LDLRAD3: variants seen among roughly 807,000 people sequenced by gnomAD.
LDLRAD3 encodes the protein low-density lipoprotein receptor class A domain-containing protein 3.
LDLRAD3 carries 20 observed loss-of-function variants against 29.4 expected under a neutral mutation model. The ratio of observed to expected loss-of-function variants is 0.68; its 90% CI spans 0.48 to 0.99. LDLRAD3 has a LOEUF of 0.99. LDLRAD3 is among the 50% of genes least tolerant of loss of function. The probability of loss-of-function intolerance (pLI) is 0.00; values close to 1 mark genes in which losing one functional copy is unlikely to be tolerated. For missense variants in LDLRAD3, 420 were observed against 454.3 expected (o/e 0.92, Z 0.69); for synonymous variants, 157 against 192.7 (o/e 0.81, Z 1.53).
intron 4 of LDLRAD3, among the ~76,000 whole-genome samples, chr11:36,185,851 A>T (rs550980620): frequency 6.6e-6 from 1 of 152,250 alleles, no homozygotes; most frequent in Non-Finnish European, 1.5e-5. Context: ...GTTATGCATT[A>T]TGCTCTGTTG....
intron 4 of LDLRAD3, among the ~76,000 whole-genome samples, chr11:36,107,243 C>T (rs2133283210): frequency 6.6e-6 from 1 of 151,842 alleles, no homozygotes; most frequent in South Asian, 2.1e-4. Flanking sequence ...TCTTGTCACC[C>T]AGGCTGGAGT....
chr11:35,956,188 A>G (rs1349558319), intron 1 of LDLRAD3, among the ~76,000 whole-genome samples: 1 of 152,168 alleles, frequency 6.6e-6, no homozygotes, highest in Non-Finnish European at 1.5e-5. Context: ...CATGTTATTT[A>G]AATTATTCGA....
chr11:36,146,071 C>T lies in LDLRAD3; in HGVS notation c.454+47610C>T, dbSNP rs535201495. Among the ~76,000 whole-genome samples, 5 of 150,560 alleles carry T rather than the reference C, an allele frequency of 3.3e-5. No individual in the cohort carries two copies. The South Asian group carries it at 6.3e-4, about 19-fold the overall frequency. On this transcript the variant is annotated intron_variant, in intron 4 of 5. Transcript: ENST00000315571. ...CAGGAATTTAGGAGAGAACAAAATT[C>T]AGCCCATAACACCAGGTAAATAGCC...
At chr11:36,200,959 G>A (rs945483982) in intron 4 of LDLRAD3, among the ~76,000 whole-genome samples, 1 of 152,168 alleles carries the variant, frequency 6.6e-6, no homozygotes, top group African/African-American at 2.4e-5. Context: ...AGGATTAGTG[G>A]GAGTAACTCA....
intron 2 of LDLRAD3, among the ~76,000 whole-genome samples, chr11:36,045,619 A>G (rs930671735): frequency 6.6e-6 from 1 of 151,358 alleles, no homozygotes; most frequent in Non-Finnish European, 1.5e-5. Flanking sequence ...AATAACCCTC[A>G]TGTGGTCATG....
At chr11:36,206,771 G>T (rs1405670855) in intron 4 of LDLRAD3, among the ~76,000 whole-genome samples, 2 of 147,438 alleles carry the variant, frequency 1.4e-5, no homozygotes, top group Non-Finnish European at 3.0e-5. Context: ...CTGTCACCCA[G>T]GCTAGAGTAC....
At chr11:36,174,234 A>T (rs1194853175) in intron 4 of LDLRAD3, among the ~76,000 whole-genome samples, 7 of 152,234 alleles carry the variant, frequency 4.6e-5, no homozygotes, top group African/African-American at 1.7e-4. Flanking sequence ...TAAAGACTTA[A>T]ATGTTAGACC....
chr11:36,058,462 C>T (rs894322767), intron 2 of LDLRAD3, among the ~76,000 whole-genome samples: 5 of 152,270 alleles, frequency 3.3e-5, no homozygotes, highest in African/African-American at 9.6e-5. Flanking sequence ...TCCCTGGCAT[C>T]GGGTTTGGCT....
intron 4 of LDLRAD3, among the ~76,000 whole-genome samples, chr11:36,172,294 C>T (rs1334404416): frequency 1.3e-5 from 2 of 151,984 alleles, no homozygotes; most frequent in African/African-American, 4.8e-5. Flanking sequence ...AGTTTGACCT[C>T]CTCTTTGACA....
At chr11:36,183,611 G>T (rs571214990) in intron 4 of LDLRAD3, among the ~76,000 whole-genome samples, 1 of 152,284 alleles carries the variant, frequency 6.6e-6, no homozygotes, top group South Asian at 2.1e-4. Flanking sequence ...CACCACACCT[G>T]CTAATATTGC....
chr11:36,183,811 A>G (rs994044424), intron 4 of LDLRAD3, among the ~76,000 whole-genome samples: 1 of 151,970 alleles, frequency 6.6e-6, no homozygotes, highest in Non-Finnish European at 1.5e-5. Context: ...TGCGTTCTGA[A>G]TAATTCTTCT....
At chr11:36,039,091 T>C (rs1852346471) in intron 2 of LDLRAD3, among the ~76,000 whole-genome samples, 2 of 151,470 alleles carry the variant, frequency 1.3e-5, no homozygotes, top group Non-Finnish European at 1.5e-5. Context: ...CGCCTCAGTC[T>C]CCCGAGTAGC....
At chr11:36,150,343 C>A (rs1314882369) in intron 4 of LDLRAD3, among the ~76,000 whole-genome samples, 3 of 151,940 alleles carry the variant, frequency 2.0e-5, no homozygotes, top group African/African-American at 7.3e-5. Context: ...GCCAGGGCAA[C>A]AAAGTGAGAC....
At chr11:35,982,848 CTTTTTTTTTTTTTT>C (rs61605411) in intron 1 of LDLRAD3, among the ~76,000 whole-genome samples, 1 of 88,728 alleles carries the variant, frequency 1.1e-5, no homozygotes, top group African/African-American at 5.8e-5. Context: ...CTGTTTGCTG[CTTTTTTTTTTTTTT>C]TTTTTTTTTG....
chr11:36,101,700 T>C (rs986824294), intron 4 of LDLRAD3, among the ~76,000 whole-genome samples: 2 of 152,100 alleles, frequency 1.3e-5, no homozygotes, highest in Non-Finnish European at 2.9e-5. Context: ...TCTTGCATCA[T>C]GTAACCTCTA....
intron 4 of LDLRAD3, among the ~76,000 whole-genome samples, chr11:36,201,231 C>T (rs1855122918): frequency 6.6e-6 from 1 of 152,192 alleles, no homozygotes; most frequent in Non-Finnish European, 1.5e-5. Flanking sequence ...AGCTGGACCA[C>T]TGACAGCCCT....
chr11:36,213,760 G>C lies in LDLRAD3; in HGVS notation c.455-13325G>C, dbSNP rs1855315207. 6.6e-6 allele frequency among the ~76,000 whole-genome samples: 1 copy of C among 152,204 alleles called. No individual in the cohort carries two copies. Among genetic ancestry groups the C allele is most frequent in the South Asian group, 2.1e-4 (1 of 4,832 alleles). ...GACGAATGAATTGTGGACCCAGCCA[G>C]ACTCCCCTCCATCGCATCACAGCTT... On this transcript the variant is annotated intron_variant, in intron 4 of 5. Coordinates refer to ENST00000315571, the MANE Select transcript of LDLRAD3 (RefSeq NM_174902.4). This position sits in a 1 kb window ranked among gnomAD's most constrained non-coding sequence, Gnocchi z 4.1.
chr11:36,214,848 G>C (rs1468521472), intron 4 of LDLRAD3, among the ~76,000 whole-genome samples: 7 of 152,250 alleles, frequency 4.6e-5, no homozygotes, highest in Admixed American at 1.3e-4. Flanking sequence ...GGGCCACAGA[G>C]TTAGAGACAC....
At position 36,155,781 on chromosome 11, in the gene LDLRAD3, G is replaced by A. The variant is rs185160745; in HGVS notation, c.454+57320G>A. On this transcript the variant is annotated intron_variant, in intron 4 of 5. Coordinates refer to ENST00000315571, the MANE Select transcript of LDLRAD3 (RefSeq NM_174902.4). Reference sequence around the variant, plus strand: ...TACCCGCCTGGCTCATAGTAGGTGCGTAGCAAGATTTTTTTCAATGGAAAC... The same window carrying A: ...TACCCGCCTGGCTCATAGTAGGTGCATAGCAAGATTTTTTTCAATGGAAAC... 6.6e-5 allele frequency among the ~76,000 whole-genome samples: 10 copies of A among 152,242 alleles called. No homozygotes were observed. The East Asian group carries it at 1.9e-3, about 29-fold the overall frequency.
Sources: gnomAD v4.1 joint callset for allele counts (sites outside exome capture counted in the v4.1 genomes callset) on GRCh38, gnomAD v4.1.1 for gene constraint, Gnocchi (gnomAD v3.1) non-coding constraint, MANE v1.5 for transcripts, NCBI Gene and HGNC (gene_info 2026-07-23, HGNC 2026-07-21) for gene names.